The following RBFOX1 variants were observed in gnomAD, a reference collection of about 807,000 sequenced individuals.
The protein encoded by RBFOX1 is RNA binding protein fox-1 homolog 1.
In RBFOX1, 8 loss-of-function variants were observed where a neutral mutation model predicts 57.7. The ratio of observed to expected loss-of-function variants is 0.14; its 90% confidence interval spans 0.08 to 0.25. The LOEUF is 0.25. Among genes scored for constraint, RBFOX1 ranks in the 10% least tolerant of loss-of-function variants. The pLI is 1.00. For synonymous variants in RBFOX1, 326 were observed against 222.4 expected, an observed-to-expected ratio of 1.47 and a Z score of -4.15; for missense variants, 611 against 548.5, an observed-to-expected ratio of 1.11 and a Z score of -1.14.
intron 1 of RBFOX1, among the ~76,000 whole-genome samples, chr16:5,358,928 C>A (rs1478608467): frequency 6.6e-6 from 1 of 152,162 alleles, no homozygotes; most frequent in South Asian, 2.1e-4. Flanking sequence ...TGTTTTGATA[C>A]CCATTATTCC....
At chr16:7,493,861 C>T (rs193096547) in intron 4 of RBFOX1, among the ~76,000 whole-genome samples, 254 of 152,312 alleles carry the variant, frequency 1.7e-3, no homozygotes, top group Non-Finnish European at 3.1e-3. Context: ...CTGATAAAAT[C>T]ATCATTATCA....
intron 4 of RBFOX1, among the ~76,000 whole-genome samples, chr16:7,086,539 A>G (rs1433280233): frequency 6.6e-6 from 1 of 152,204 alleles, no homozygotes; most frequent in Non-Finnish European, 1.5e-5. Flanking sequence ...AATGGATTAA[A>G]AAGAAAAACT....
intron 2 of RBFOX1, among the ~76,000 whole-genome samples, chr16:6,417,707 T>TTTTA (rs1555463886): frequency 1.6e-4 from 23 of 146,626 alleles, no homozygotes; most frequent in East Asian, 9.9e-4. Context: ...CCTTTCTTTT[T>TTTTA]AAAAAAAAAA....
chr16:7,455,610 G>A (rs2058339766), intron 4 of RBFOX1, among the ~76,000 whole-genome samples: 1 of 151,506 alleles, frequency 6.6e-6, no homozygotes, highest in Admixed American at 6.6e-5. Flanking sequence ...TAGGCAACGT[G>A]GTGAAATCCC....
intron 4 of RBFOX1, among the ~76,000 whole-genome samples, chr16:7,424,765 C>A (rs970128969): frequency 6.6e-6 from 1 of 152,126 alleles, no homozygotes; most frequent in African/African-American, 2.4e-5. Flanking sequence ...AGCAAGCAAA[C>A]AAACAAACAA....
rs565929353 is a variant in RBFOX1 at position 6,749,287 on chromosome 16, C to T, written c.-16+94637C>T. ...CATTGGTACAGAAAGTCAGTAATGACATCAACCCAATTAAATGAGAGAACA... is the reference window on the plus strand; with the variant it reads ...CATTGGTACAGAAAGTCAGTAATGATATCAACCCAATTAAATGAGAGAACA... On this transcript the variant is annotated intron_variant, in intron 3 of 15. Transcript: ENST00000550418. Among the ~76,000 whole-genome samples the T allele has an allele frequency of 5.9e-5, 9 of 152,258 alleles. No individual in the cohort carries two copies. In the South Asian group the frequency reaches 1.2e-3, roughly 21 times the overall value.
intron 4 of RBFOX1, among the ~76,000 whole-genome samples, chr16:7,493,579 A>AGTC (rs1295933666): frequency 6.6e-6 from 1 of 152,136 alleles, no homozygotes; most frequent in African/African-American, 2.4e-5. Context: ...AGAGGTGTAG[A>AGTC]GTCAGAGTCA....
At chr16:6,972,675 A>C (rs2085850820) in intron 3 of RBFOX1, among the ~76,000 whole-genome samples, 1 of 152,048 alleles carries the variant, frequency 6.6e-6, no homozygotes, top group African/African-American at 2.4e-5. Flanking sequence ...AGACAACCTG[A>C]GTGGAGGGCT....
chr16:5,421,216 C>G (rs1453907651), intron 1 of RBFOX1, among the ~76,000 whole-genome samples: 1 of 151,806 alleles, frequency 6.6e-6, no homozygotes, highest in South Asian at 2.1e-4. Context: ...CCATGTTGAC[C>G]AGGGTGGTCT....
chr16:7,151,331 A>AT (rs2076069553), intron 4 of RBFOX1, among the ~76,000 whole-genome samples: 1 of 152,178 alleles, frequency 6.6e-6, no homozygotes, highest in South Asian at 2.1e-4. Flanking sequence ...TAAACTTTAT[A>AT]TTTTTTGACA....
intron 2 of RBFOX1, among the ~76,000 whole-genome samples, chr16:6,505,636 A>G (rs1039930140): frequency 1.3e-5 from 2 of 152,230 alleles, no homozygotes; most frequent in Non-Finnish European, 2.9e-5. Context: ...TTTAATCCTC[A>G]AGAACTCTAC....
chr16:6,153,030 T>A, intron 1 of RBFOX1, among the ~76,000 whole-genome samples: 1 of 126,144 alleles, frequency 7.9e-6, no homozygotes, highest in South Asian at 2.4e-4. Flanking sequence ...ATAGTTATTT[T>A]CTGTTTTTTT....
chr16:5,392,643 A>G (rs2151422291), intron 1 of RBFOX1, among the ~76,000 whole-genome samples: 1 of 151,584 alleles, frequency 6.6e-6, no homozygotes, highest in Non-Finnish European at 1.5e-5. Flanking sequence ...GGTTGAAGTG[A>G]TCCTCCTCCT....
chr16:6,255,748 T>C (rs762346393), intron 1 of RBFOX1, among the ~76,000 whole-genome samples: 2 of 151,994 alleles, frequency 1.3e-5, no homozygotes, highest in South Asian at 2.1e-4. Context: ...TGCAGGGACA[T>C]GGATGAAGCT....
At chr16:7,087,178 C>T (rs2060120453) in intron 4 of RBFOX1, among the ~76,000 whole-genome samples, 1 of 152,152 alleles carries the variant, frequency 6.6e-6, no homozygotes, top group Non-Finnish European at 1.5e-5. Context: ...CGGGTTGCTG[C>T]ACATGTTCTT....
intron 3 of RBFOX1, among the ~76,000 whole-genome samples, chr16:6,787,993 T>C (rs1159562972): frequency 2.4e-4 from 36 of 151,750 alleles, no homozygotes; most frequent in African/African-American, 8.5e-4. Flanking sequence ...GAGTCCGAGG[T>C]GGGGGGACCG....
intron 3 of RBFOX1, among the ~76,000 whole-genome samples, chr16:6,841,620 T>C (rs1483805707): frequency 6.6e-6 from 1 of 152,094 alleles, no homozygotes; most frequent in African/African-American, 2.4e-5. Flanking sequence ...CTCAAAACTC[T>C]CACGAATGCT....
intron 4 of RBFOX1, among the ~76,000 whole-genome samples, chr16:7,169,083 C>G (rs1194183426): frequency 6.6e-6 from 1 of 152,110 alleles, no homozygotes; most frequent in Non-Finnish European, 1.5e-5. Flanking sequence ...AGGAAGTAGG[C>G]AAATCATTCA....
At chr16:5,955,834 T>A (rs1344641368) in intron 4 of RBFOX1, among the ~76,000 whole-genome samples, 1 of 152,178 alleles carries the variant, frequency 6.6e-6, no homozygotes, top group African/African-American at 2.4e-5. Flanking sequence ...ATATATGACA[T>A]GTTAATGTAG....
Sources: allele counts gnomAD v4.1 joint callset (sites outside exome capture counted in the v4.1 genomes callset), GRCh38; gene constraint gnomAD v4.1.1; transcripts MANE v1.5; gene names NCBI Gene and HGNC (gene_info 2026-07-23, HGNC 2026-07-21).